ANKIB1: variants seen among roughly 807,000 people sequenced by gnomAD.
ANKIB1 encodes ankyrin repeat and IBR domain-containing protein 1.
ANKIB1 carries 43 observed loss-of-function variants against 122.1 expected under a neutral mutation model. That is an observed-to-expected ratio of 0.35 (90% CI 0.28 to 0.45). ANKIB1 has a LOEUF of 0.45. Among genes scored for constraint, ANKIB1 ranks in the 20% least tolerant of loss-of-function variants. The pLI is 1.00. For synonymous variants in ANKIB1, 390 were observed against 442.0 expected (o/e 0.88, Z 1.48); for missense variants, 992 against 1,329.5 (o/e 0.75, Z 3.95).
At chr7:92,328,201 C>G (rs1252946049) in intron 5 of ANKIB1, among the ~76,000 whole-genome samples, 1 of 152,104 alleles carries the variant, frequency 6.6e-6, no homozygotes, top group Non-Finnish European at 1.5e-5. Context: ...TGAGATTGAG[C>G]ATTGAAATCC....
chr7:92,354,047 C>G (rs575138571), intron 9 of ANKIB1, among the ~76,000 whole-genome samples: 34 of 152,208 alleles, frequency 2.2e-4, no homozygotes, highest in Non-Finnish European at 4.6e-4. Flanking sequence ...TTCTTAAGCA[C>G]TGTGGTTTCT....
chr7:92,248,888 C>CTTTTT (rs778549860), intron 1 of ANKIB1, among the ~76,000 whole-genome samples: 46 of 123,006 alleles, frequency 3.7e-4, no homozygotes, highest in Non-Finnish European at 6.3e-4. Context: ...TCTTTTCTTT[C>CTTTTT]TTTTTTTTTT....
chr7:92,330,645 A>G (rs1364607708), intron 5 of ANKIB1, among the ~76,000 whole-genome samples: 1 of 152,096 alleles, frequency 6.6e-6, no homozygotes, highest in East Asian at 1.9e-4. Flanking sequence ...GATCGAGACT[A>G]TCCTGGCTAA....
chr7:92,271,970 A>G (rs1801804432), intron 1 of ANKIB1, among the ~76,000 whole-genome samples: 1 of 152,184 alleles, frequency 6.6e-6, no homozygotes, highest in Admixed American at 6.5e-5. Flanking sequence ...TTTAAAAAGA[A>G]CCACATGATT....
chr7:92,372,283 G>A (rs1184440987), intron 11 of ANKIB1, among the ~76,000 whole-genome samples: 1 of 151,920 alleles, frequency 6.6e-6, no homozygotes, highest in Non-Finnish European at 1.5e-5. Flanking sequence ...AAACAATGCA[G>A]TATAACAACT....
intron 7 of ANKIB1, 63 bp from the exon 8 acceptor site, chr7:92,350,887 C>G: frequency 6.9e-7 from 1 of 1,452,784 alleles, no homozygotes; most frequent in Non-Finnish European, 9.1e-7. Flanking sequence ...AAGGAAAATT[C>G]TTAGAATGTA....
rs1803366462 is a variant in ANKIB1 at position 92,338,936 on chromosome 7, ATATATATATATATATATATATAT to A, written c.788-4087_788-4065del. On this transcript the variant is annotated intron_variant, in intron 5 of 19. Coordinates refer to ENST00000265742, the MANE Select transcript of ANKIB1 (RefSeq NM_019004.2). ...CAAAAAAAAAAAAAAAAAAAAAAATATATATATATATATATATATATATATATATATATATTTATATGAATCTT... is the reference window on the plus strand; with the variant it reads ...CAAAAAAAAAAAAAAAAAAAAAAATAATATATATATATTTATATGAATCTT... Among the ~76,000 whole-genome samples the A allele has an allele frequency of 8.9e-5, 2 of 22,476 alleles. 1 individual carries two copies. Among genetic ancestry groups the A allele is most frequent in the Non-Finnish European group, 1.7e-4 (2 of 11,436 alleles). 14.7% of individuals were successfully genotyped at this position (22,476 alleles called of 152,430 possible). A position where few individuals can be genotyped will look rare whatever the true frequency, so the allele number is the denominator to read the frequency against.
At chr7:92,395,942 A>T in intron 17 of ANKIB1, 1 of 184,666 alleles carries the variant, frequency 5.4e-6, no homozygotes, top group Non-Finnish European at 1.1e-5. Context: ...TGAGGCCAGA[A>T]GTTCAAGACC....
Position 92,388,030 on chromosome 7 carries a change from C to T in ANKIB1, c.1895C>T (p.Ala632Val), listed in dbSNP as rs1244797521. ...AKEKMEQLSRALKETEGGCPD... is the reference protein window; with the variant it reads ...AKEKMEQLSRVLKETEGGCPD... ...GAAAAGATGGAGCAATTGAGCAGAGCTCTCAAAGAAAGTAAGTTATAAGTT... is the reference window on the plus strand; with the variant it reads ...GAAAAGATGGAGCAATTGAGCAGAGTTCTCAAAGAAAGTAAGTTATAAGTT... The change falls in exon 14 of 20, where the codon GCT (alanine) becomes GTT (valine). Residue 632 changes from alanine (A) to valine (V), a missense_variant. Around this residue, in one of 4 missense-constraint regions of ANKIB1, gnomAD observed 521 missense variants for 777.7 expected, o/e 0.67. Transcript: ENST00000265742. 3.2e-6 allele frequency: 5 copies of T among 1,569,778 alleles called. No individual in the cohort carries two copies. Among genetic ancestry groups the T allele is most frequent in the Non-Finnish European group, 4.3e-6 (5 of 1,156,284 alleles).
chr7:92,257,147 C>T (rs1340696488), intron 1 of ANKIB1, among the ~76,000 whole-genome samples: 1 of 149,710 alleles, frequency 6.7e-6, no homozygotes, highest in Non-Finnish European at 1.5e-5. Context: ...CCGAGTAGAT[C>T]GCCCAACTGC....
chr7:92,366,162 C>G (rs1185050042), intron 10 of ANKIB1, among the ~76,000 whole-genome samples: 1 of 152,002 alleles, frequency 6.6e-6, no homozygotes, highest in East Asian at 1.9e-4. Context: ...GCATATTATT[C>G]AATTCTTGAG....
rs960331432 is a variant in ANKIB1, at chr7:92,353,969, A to C, written c.1397+1327A>C. Among the ~76,000 whole-genome samples the C allele has an allele frequency of 1.4e-4, 22 of 152,378 alleles. No individual in the cohort carries two copies. In the East Asian group the frequency reaches 3.1e-3, roughly 21 times the overall value. ...AAAATGTCTAAAAGATAAAAAGATT[A>C]GCTTTTGCAGAGATCAGAGAAAAAT... On this transcript the variant is annotated intron_variant, in intron 9 of 19. Transcript: ENST00000265742.
intron 11 of ANKIB1, among the ~76,000 whole-genome samples, chr7:92,383,346 A>C (rs1301684942): frequency 3.9e-5 from 6 of 152,214 alleles, no homozygotes; most frequent in Non-Finnish European, 5.9e-5. Context: ...TTCTGAAACT[A>C]TTCCAATCAA....
intron 1 of ANKIB1, among the ~76,000 whole-genome samples, chr7:92,250,846 C>T (rs1801315870): frequency 6.6e-6 from 1 of 152,150 alleles, no homozygotes; most frequent in Non-Finnish European, 1.5e-5. Context: ...CAACTCTTTT[C>T]TCCAAAAGCC....
intron 10 of ANKIB1, among the ~76,000 whole-genome samples, chr7:92,366,229 C>T (rs1804080664): frequency 6.6e-6 from 1 of 151,836 alleles, no homozygotes; most frequent in African/African-American, 2.4e-5. Context: ...TTTATTTTCC[C>T]CCAAACCCCC....
At chr7:92,336,663 A>G (rs973608294) in intron 5 of ANKIB1, among the ~76,000 whole-genome samples, 4 of 152,070 alleles carry the variant, frequency 2.6e-5, no homozygotes, top group African/African-American at 9.7e-5. Context: ...CTCATGTCCA[A>G]AGTGCTCTGG....
chr7:92,321,605 C>G (rs1323209246), intron 4 of ANKIB1, among the ~76,000 whole-genome samples: 1 of 152,080 alleles, frequency 6.6e-6, no homozygotes, highest in Non-Finnish European at 1.5e-5. Flanking sequence ...TTTTTCCTCC[C>G]AAAAGGATTC....
At chr7:92,368,292 C>T (rs1227031268) in intron 10 of ANKIB1, among the ~76,000 whole-genome samples, 1 of 150,450 alleles carries the variant, frequency 6.6e-6, no homozygotes, top group Non-Finnish European at 1.5e-5. Context: ...AGAAAGAGAC[C>T]TAAGCACACT....
At chr7:92,356,189 C>T (rs1255120436) in intron 9 of ANKIB1, among the ~76,000 whole-genome samples, 3 of 152,164 alleles carry the variant, frequency 2.0e-5, no homozygotes, top group East Asian at 1.9e-4. Flanking sequence ...CATCATCTCC[C>T]TCTGCACAGA....
Sources: gnomAD v4.1 joint callset for allele counts (sites outside exome capture counted in the v4.1 genomes callset) on GRCh38, gnomAD v4.1.1 for gene constraint, gnomAD v4.1.1 regional missense constraint, MANE v1.5 for transcripts, NCBI Gene and HGNC (gene_info 2026-07-23, HGNC 2026-07-21) for gene names.